Variants in CD163L1 observed in about 807,000 individuals in gnomAD.
CD163L1 encodes the protein scavenger receptor cysteine-rich type 1 protein M160.
In CD163L1, 124 loss-of-function variants were observed where a neutral mutation model predicts 165.4. The ratio of observed to expected loss-of-function variants is 0.75; its 90% CI spans 0.65 to 0.87. CD163L1 has a LOEUF of 0.87. CD163L1 is among the 40% of genes least tolerant of loss of function. The pLI, the probability that CD163L1 is intolerant of heterozygous loss-of-function variation, is 0.00. For missense variants in CD163L1, 1,525 were observed against 1,799.9 expected (o/e 0.85, Z 2.76); for synonymous variants, 585 against 662.2 (o/e 0.88, Z 1.79).
chr12:7,373,701 C>A, intron 13 of CD163L1, 61 bp from the exon 14 acceptor site: 1 of 1,414,704 alleles, frequency 7.1e-7, no homozygotes, highest in Non-Finnish European at 9.5e-7. Flanking sequence ...AATCCCTCCC[C>A]AAGGAATCCA....
At chr12:7,386,349 C>A (rs1328019411) in intron 8 of CD163L1, among the ~76,000 whole-genome samples, 1 of 151,782 alleles carries the variant, frequency 6.6e-6, no homozygotes, top group Non-Finnish European at 1.5e-5. Context: ...AAAGGAAACC[C>A]CAGGACTAGA....
chr12:7,422,131 G>T (rs1948451983), intron 4 of CD163L1, among the ~76,000 whole-genome samples: 1 of 152,088 alleles, frequency 6.6e-6, no homozygotes, highest in African/African-American at 2.4e-5. Context: ...CACTCCGCTG[G>T]TGATAACTAG....
At chr12:7,394,005 T>G (rs1360856628) in intron 8 of CD163L1, among the ~76,000 whole-genome samples, 1 of 151,994 alleles carries the variant, frequency 6.6e-6, no homozygotes, top group African/African-American at 2.4e-5. Context: ...CCAAGGTAAT[T>G]TATAGATTCA....
In CD163L1 at chr12:7,375,411, T is replaced by G. The variant is rs189910826; in HGVS notation, c.2871A>C (p.Glu957Asp). The change falls in exon 11 of 20, where the codon GAA (glutamate) becomes GAC (aspartate). Residue 957 changes from glutamate to aspartate, a missense_variant. Physicochemically the swap from Glu to Asp is conservative, Grantham distance 45 (BLOSUM62 2). Transcript: ENST00000313599. ...LSTTGGKYIG[E>D]RSVRVWGHRF... ...TGTGTCCCCACACACGAACACTTCT[T>G]TCTCCAATATATTTTCCTCCTGTGG... 4 of 1,614,158 alleles carry G rather than the reference T, an allele frequency of 2.5e-6. No homozygotes were observed. The East Asian group carries it at 6.7e-5, about 27-fold the overall frequency.
At chr12:7,437,239 T>A (rs866354656) in intron 2 of CD163L1, among the ~76,000 whole-genome samples, 1 of 94,806 alleles carries the variant, frequency 1.1e-5, no homozygotes, top group African/African-American at 4.4e-5. Flanking sequence ...AGTATTTACT[T>A]TTAAATAGTA....
At chr12:7,422,716 T>C (rs1031042389) in intron 4 of CD163L1, among the ~76,000 whole-genome samples, 8 of 146,718 alleles carry the variant, frequency 5.5e-5, no homozygotes, top group African/African-American at 2.0e-4. Flanking sequence ...TATATGTGTA[T>C]ATATGTATAT....
intron 2 of CD163L1, 74 bp downstream of exon 2, chr12:7,441,080 A>T (rs1403511774): frequency 1.0e-6 from 1 of 994,936 alleles, no homozygotes; most frequent in Non-Finnish European, 1.6e-6. Flanking sequence ...CAAAATATGC[A>T]CTTAGGGTAG....
At chr12:7,363,175 G>A (rs952709465) in intron 18 of CD163L1, among the ~76,000 whole-genome samples, 2 of 152,080 alleles carry the variant, frequency 1.3e-5, no homozygotes, top group Admixed American at 1.3e-4. Flanking sequence ...CAGGCATGGT[G>A]TCATGTGCCT....
At chr12:7,417,207 GCTCT>G (rs544969041) in intron 4 of CD163L1, among the ~76,000 whole-genome samples, 56 of 152,058 alleles carry the variant, frequency 3.7e-4, no homozygotes, top group Non-Finnish European at 6.2e-4. Flanking sequence ...TCATGATTTG[GCTCT>G]CTGTTTGTCT....
chr12:7,421,572 T>C (rs1462491185), intron 4 of CD163L1, among the ~76,000 whole-genome samples: 5 of 131,120 alleles, frequency 3.8e-5, no homozygotes, highest in African/African-American at 1.5e-4. Context: ...TGTACATATA[T>C]ACATGTACAT....
intron 8 of CD163L1, among the ~76,000 whole-genome samples, chr12:7,386,020 T>C (rs1290821250): frequency 1.3e-5 from 2 of 151,898 alleles, no homozygotes; most frequent in African/African-American, 4.8e-5. Context: ...TTAAACAAAA[T>C]AGAGCCTAAA....
At chr12:7,421,540 T>C (rs1223361254) in intron 4 of CD163L1, among the ~76,000 whole-genome samples, 2 of 94,002 alleles carry the variant, frequency 2.1e-5, no homozygotes, top group Non-Finnish European at 3.9e-5. Flanking sequence ...TACATATACG[T>C]ACACATATAC....
At position 7,398,608 on chromosome 12, in the gene CD163L1, A is replaced by G. The variant is rs1859534628; in HGVS notation, c.1409-24T>C. On this transcript the variant is annotated intron_variant, in intron 6 of 19. Transcript: ENST00000313599. The surrounding 1 kb of genome is among the most constrained non-coding windows in gnomAD (Gnocchi z 4.5). ...ATCTGCAAGCAAGACAAAACCACAT[A>G]TTTGAGATCAAATGAGAGAGTCTTT... 1.3e-6 allele frequency: 2 copies of G among 1,521,944 alleles called. No individual in the cohort carries two copies. Among genetic ancestry groups the G allele is most frequent in the Non-Finnish European group, 1.8e-6 (2 of 1,136,906 alleles). 94.3% of individuals were successfully genotyped at this position (1,521,944 alleles called of 1,614,324 possible).
At chr12:7,345,838 G>T (rs904566883), downstream of CD163L1, among the ~76,000 whole-genome samples, 3 of 152,186 alleles carry the variant, frequency 2.0e-5, no homozygotes, top group Non-Finnish European at 4.4e-5. Flanking sequence ...TACAACCATG[G>T]TGGAAGGCAA....
intron 2 of CD163L1, chr12:7,438,949 G>A (rs1369615618): frequency 1.2e-6 from 2 of 1,607,756 alleles, no homozygotes. Context: ...ATGCGTTCTT[G>A]TTCTCTAGCT....
Position 7,357,458 on chromosome 12 carries a change from A to G in CD163L1, c.4308T>C (p.Asp1436=), listed in dbSNP as rs1164663753. The part of the protein sequence containing the change: ...SDDTPNHGCE[D]ASDTSLLGVL... ...CTCCCAACAGCGATGTGTCGCTAGC[A>G]TCTTCACAACCATGGTTGGGGGTGT... is the stretch of plus-strand genomic sequence containing the variant. Residue 1436 remains aspartate, a synonymous_variant, in exon 19 of 20, where the codon GAT becomes GAC. Coordinates refer to ENST00000313599, the MANE Select transcript of CD163L1 (RefSeq NM_174941.6). 7 of 1,612,638 alleles carry G rather than the reference A, an allele frequency of 4.3e-6. No individual in the cohort carries two copies. In the South Asian group the frequency reaches 7.7e-5, roughly 18 times the overall value.
downstream of CD163L1, among the ~76,000 whole-genome samples, chr12:7,353,538 C>A (rs1247339522): frequency 2.0e-5 from 3 of 151,934 alleles, no homozygotes; most frequent in African/African-American, 7.2e-5. Flanking sequence ...AATGATTCAT[C>A]ACGTACAAGA....
the CD163L1 span, among the ~76,000 whole-genome samples, chr12:7,329,646 A>T: frequency 6.6e-6 from 1 of 151,872 alleles, no homozygotes; most frequent in Non-Finnish European, 1.5e-5. Flanking sequence ...ATAATTTTTT[A>T]AAAGAAAAAC....
chr12:7,338,620 T>A, the CD163L1 span, among the ~76,000 whole-genome samples: 2 of 152,194 alleles, frequency 1.3e-5, no homozygotes, highest in Non-Finnish European at 2.9e-5. Flanking sequence ...TTACTCTGAA[T>A]ATCTGTCTAG....
Sources: gnomAD v4.1 joint callset for allele counts (sites outside exome capture counted in the v4.1 genomes callset) on GRCh38, gnomAD v4.1.1 for gene constraint, Gnocchi (gnomAD v3.1) non-coding constraint, MANE v1.5 for transcripts, NCBI Gene and HGNC (gene_info 2026-07-23, HGNC 2026-07-21) for gene names.